The following ARID1B variants were observed in gnomAD, a reference collection of about 807,000 sequenced individuals.
The protein encoded by ARID1B is AT-rich interactive domain-containing protein 1B.
A neutral mutation model predicts 212.3 loss-of-function variants in ARID1B; 30 were observed. The observed-to-expected ratio is 0.14, with a 90% CI of 0.11 to 0.19. ARID1B has a LOEUF of 0.19. Among genes scored for constraint, ARID1B ranks in the 10% least tolerant of loss-of-function variants. The pLI, the probability that ARID1B is intolerant of heterozygous loss-of-function variation, is 1.00. For synonymous variants in ARID1B, 1,402 were observed against 1,301.7 expected, an observed-to-expected ratio of 1.08 and a Z score of -1.66; for missense variants, 2,891 against 3,204.0, an observed-to-expected ratio of 0.90 and a Z score of 2.36.
intron 4 of ARID1B, among the ~76,000 whole-genome samples, chr6:156,958,634 C>A (rs1282461648): frequency 6.6e-6 from 1 of 152,084 alleles, no homozygotes; most frequent in Admixed American, 6.5e-5. Flanking sequence ...AAATGTTGTC[C>A]AAATGTCTTA....
Position 156,830,438 on chromosome 6 carries a change from C to T in ARID1B, c.1986+1017C>T, listed in dbSNP as rs75413054. The stretch of plus-strand genomic sequence containing the variant: ...AAAAATTAGATATGACTACTGTTCT[C>T]TCTGATGTGGATATGGAGAATGATT... On this transcript the variant is annotated intron_variant, in intron 2 of 19. Transcript: ENST00000636930. Among the ~76,000 whole-genome samples, 556 of 152,266 alleles carry T rather than the reference C, an allele frequency of 3.7e-3. 6 individuals are homozygous for T. The highest frequency in any genetic ancestry group is 0.013 in the African/African-American group (522 of 41,560).
intron 4 of ARID1B, among the ~76,000 whole-genome samples, chr6:156,989,310 G>A (rs1374476636): frequency 6.6e-6 from 1 of 152,134 alleles, no homozygotes; most frequent in African/African-American, 2.4e-5. Context: ...TGCTACAAAG[G>A]ATCGTCTTAT....
chr6:156,799,387 T>C (rs951527608), intron 1 of ARID1B, among the ~76,000 whole-genome samples: 1 of 152,250 alleles, frequency 6.6e-6, no homozygotes, highest in African/African-American at 2.4e-5. Context: ...GGGACTGGAA[T>C]GAGTAGAGTT....
chr6:157,124,519 C>T (rs769533446), intron 6 of ARID1B, among the ~76,000 whole-genome samples: 3 of 152,200 alleles, frequency 2.0e-5, no homozygotes, highest in Admixed American at 6.5e-5. Flanking sequence ...AGGTGCACAT[C>T]AGCTGTATGA....
chr6:156,911,916 A>AT (rs1270590291), intron 3 of ARID1B, among the ~76,000 whole-genome samples: 1 of 152,242 alleles, frequency 6.6e-6, no homozygotes, highest in East Asian at 1.9e-4. Flanking sequence ...ACCACTTTAA[A>AT]TAACATGCTC....
intron 7 of ARID1B, chr6:157,141,031 T>C: frequency 5.3e-6 from 1 of 189,550 alleles, no homozygotes; most frequent in South Asian, 1.9e-4. Flanking sequence ...TTAATAACTC[T>C]TTCTTAAATG....
chr6:156,792,295 C>T (rs1349123473), intron 1 of ARID1B, among the ~76,000 whole-genome samples: 1 of 151,182 alleles, frequency 6.6e-6, no homozygotes, highest in Non-Finnish European at 1.5e-5. Context: ...TCCTATGCAG[C>T]CCCCCCTTTT....
At chr6:156,803,554 C>T (rs1780935391) in intron 1 of ARID1B, among the ~76,000 whole-genome samples, 1 of 151,768 alleles carries the variant, frequency 6.6e-6, no homozygotes, top group Admixed American at 6.6e-5. Context: ...TATGATTTTT[C>T]CCTCCTTTCT....
intron 2 of ARID1B, among the ~76,000 whole-genome samples, chr6:156,893,863 C>T (rs1316951673): frequency 6.6e-6 from 1 of 152,198 alleles, no homozygotes; most frequent in Non-Finnish European, 1.5e-5. Context: ...GGTGCAGCCA[C>T]TGTGAGAAGC....
chr6:157,011,517 A>C (rs139986792), intron 4 of ARID1B, among the ~76,000 whole-genome samples: 1 of 152,350 alleles, frequency 6.6e-6, no homozygotes, highest in Non-Finnish European at 1.5e-5. Context: ...GTGAAGTATA[A>C]AATGAAAATG....
chr6:156,955,900 G>A lies in ARID1B; in HGVS notation c.2247+20324G>A, dbSNP rs1472023814. On this transcript the variant is annotated intron_variant, in intron 4 of 19. Coordinates refer to ENST00000636930, the MANE Select transcript of ARID1B (RefSeq NM_001374828.1). This position sits in a 1 kb window ranked among gnomAD's most constrained non-coding sequence, Gnocchi z 4.2. ...CCTGTTAGGAAGGTTACTGGAGGCC[G>A]CTGGTGGTGGAAGCCGCGCCTGTTC... Among the ~76,000 whole-genome samples the A allele has an allele frequency of 3.9e-5, 6 of 152,176 alleles. No homozygotes were observed. The highest frequency in any genetic ancestry group is 9.7e-5 in the African/African-American group (4 of 41,438).
chr6:156,922,712 C>T (rs1383309875), intron 3 of ARID1B, among the ~76,000 whole-genome samples: 1 of 152,148 alleles, frequency 6.6e-6, no homozygotes. Flanking sequence ...TGTTCTTACC[C>T]TTTAATCTTT....
At chr6:157,060,528 A>G (rs1783269719) in intron 4 of ARID1B, among the ~76,000 whole-genome samples, 1 of 152,048 alleles carries the variant, frequency 6.6e-6, no homozygotes, top group Non-Finnish European at 1.5e-5. Flanking sequence ...ATACTTTTCA[A>G]TAACAACAAT....
chr6:156,986,637 A>G (rs918672256), intron 4 of ARID1B, among the ~76,000 whole-genome samples: 1 of 152,220 alleles, frequency 6.6e-6, no homozygotes. Flanking sequence ...CCCGGCTCAT[A>G]GTAATTACTC....
chr6:157,126,775 A>C (rs1788161169), intron 6 of ARID1B, among the ~76,000 whole-genome samples: 1 of 152,208 alleles, frequency 6.6e-6, no homozygotes, highest in Non-Finnish European at 1.5e-5. Flanking sequence ...ATACTTTCAC[A>C]ATATATAGGA....
intron 2 of ARID1B, among the ~76,000 whole-genome samples, chr6:156,863,108 C>A (rs1485093290): frequency 6.6e-6 from 1 of 152,002 alleles, no homozygotes; most frequent in Non-Finnish European, 1.5e-5. Context: ...TCTAAGAATG[C>A]CTGAAATTAG....
chr6:156,894,301 G>GGGGCCGGGGGGTTGGGATGA (rs1337448699), intron 2 of ARID1B, among the ~76,000 whole-genome samples: 1 of 148,604 alleles, frequency 6.7e-6, no homozygotes, highest in Non-Finnish European at 1.5e-5. Context: ...GGTTGGGATG[G>GGGGCCGGGGGGTTGGGATGA]GGGCCGGGGG....
chr6:156,883,217 G>C (rs920577361), intron 2 of ARID1B, among the ~76,000 whole-genome samples: 1 of 152,102 alleles, frequency 6.6e-6, no homozygotes, highest in Non-Finnish European at 1.5e-5. Context: ...CTTTATTCTT[G>C]GTAGCATTAT....
At chr6:157,124,652 G>C (rs915378467) in intron 6 of ARID1B, among the ~76,000 whole-genome samples, 4 of 152,124 alleles carry the variant, frequency 2.6e-5, no homozygotes, top group South Asian at 4.1e-4. Flanking sequence ...AAATATCAGA[G>C]TGCACTGTAC....
Sources: allele counts gnomAD v4.1 joint callset (sites outside exome capture counted in the v4.1 genomes callset), GRCh38; gene constraint gnomAD v4.1.1; non-coding constraint Gnocchi (gnomAD v3.1); transcripts MANE v1.5; gene names NCBI Gene and HGNC (gene_info 2026-07-23, HGNC 2026-07-21).